The following MGAT1 variants were observed in gnomAD, a reference collection of about 807,000 sequenced individuals.
MGAT1 encodes the protein N-glycosyl-oligosaccharide-glycoprotein N-acetylglucosaminyltransferase I.
MGAT1 carries 14 observed loss-of-function variants against 31.7 expected under a neutral mutation model. The ratio of observed to expected loss-of-function variants is 0.44; its 90% CI spans 0.29 to 0.69. The LOEUF (loss-of-function observed/expected upper bound fraction) is 0.69. Among genes scored for constraint, MGAT1 ranks in the 30% least tolerant of loss-of-function variants. The probability of loss-of-function intolerance (pLI) is 0.12; values close to 1 mark genes in which losing one functional copy is unlikely to be tolerated. For missense variants in MGAT1, 557 were observed against 626.0 expected (o/e 0.89, Z 1.18); for synonymous variants, 338 against 276.0 (o/e 1.22, Z -2.23).
At position 180,792,687 on chromosome 5, in the gene MGAT1, C is replaced by T. The variant is rs748852970; in HGVS notation, c.285G>A (p.Pro95=). 14 of 1,562,530 alleles carry T rather than the reference C, an allele frequency of 9.0e-6. No homozygotes were observed. Among genetic ancestry groups the T allele is most frequent in the African/African-American group, 2.7e-5 (2 of 73,902 alleles). The change falls in exon 2 of 2, where the codon CCG becomes CCA. Residue 95 remains proline (P), a synonymous_variant. Coordinates refer to ENST00000307826, the MANE Select transcript of MGAT1 (RefSeq NM_002406.4). ...CCGGCGCGGGGGTCACAGGCACACGCGGCTGGGCGGGAGGGGCCGCGGTGG... is the reference window on the plus strand; with the variant it reads ...CCGGCGCGGGGGTCACAGGCACACGTGGCTGGGCGGGAGGGGCCGCGGTGG... ...RVPTAAPPAQ[P]RVPVTPAPAV...
chr5:180,808,111 C>A (rs1322946764), intron 2 of MGAT1, among the ~76,000 whole-genome samples: 3 of 152,156 alleles, frequency 2.0e-5, no homozygotes, highest in Non-Finnish European at 4.4e-5. Context: ...TCCTTCCTGA[C>A]CCCCAAACCT....
chr5:180,791,610 G>T lies in MGAT1; in HGVS notation c.*24C>A. Reference sequence around the variant, plus strand: ...CCTCAGCTCATGATGTGGCAAGGAGGGGCCCAGGAAGGACAGGCAGGTGCT... The same window carrying T: ...CCTCAGCTCATGATGTGGCAAGGAGTGGCCCAGGAAGGACAGGCAGGTGCT... On this transcript the variant is annotated 3_prime_UTR_variant, in exon 2 of 2. Coordinates refer to ENST00000307826, the MANE Select transcript of MGAT1 (RefSeq NM_002406.4). 6.2e-7 allele frequency: 1 copy of T among 1,607,006 alleles called. No homozygotes were observed. The highest frequency in any genetic ancestry group is 8.5e-7 in the Non-Finnish European group (1 of 1,176,208).
At chr5:180,806,965 C>T (rs991612121), upstream of MGAT1, among the ~76,000 whole-genome samples, 2 of 152,214 alleles carry the variant, frequency 1.3e-5, no homozygotes, top group Non-Finnish European at 2.9e-5. Context: ...AAAGGAGCAG[C>T]CTGGCCTCAA....
chr5:180,792,594 C>T lies in MGAT1; in HGVS notation c.378G>A (p.Leu126=). Reference sequence around the variant, plus strand: ...AGAGCTCAGCCGAGGGCCGATAATGCAGCAGCTTGTCCAGGCAGCGCCGAA... The same window carrying T: ...AGAGCTCAGCCGAGGGCCGATAATGTAGCAGCTTGTCCAGGCAGCGCCGAA... ...STVRRCLDKL[L]HYRPSAELFP... Residue 126 remains leucine, a synonymous_variant, in exon 2 of 2, where the codon CTG becomes CTA. Transcript: ENST00000307826. 2 of 1,611,074 alleles carry T rather than the reference C, an allele frequency of 1.2e-6. No individual in the cohort carries two copies. The highest frequency in any genetic ancestry group is 1.7e-6 in the Non-Finnish European group (2 of 1,178,780).
In MGAT1 at chr5:180,791,351, G is replaced by A. The variant is rs377694253; in HGVS notation, c.*283C>T. The A allele has an allele frequency of 1.6e-4, 82 of 512,414 alleles. No individual in the cohort carries two copies. The highest frequency in any genetic ancestry group is 8.9e-4 in the East Asian group (27 of 30,228). The allele number at this position is 512,414 out of a possible 1,614,324, so 31.7% of individuals were successfully genotyped here. ...CATGCTCCAGGAGAAAGCTCAGGAC[G>A]TGGACATTTCTGGCCCCAACAAGCC... is the stretch of plus-strand genomic sequence containing the variant. On this transcript the variant is annotated 3_prime_UTR_variant, in exon 2 of 2. Transcript: ENST00000307826.
At chr5:180,794,411 T>TATA (rs1554130048) in intron 1 of MGAT1, among the ~76,000 whole-genome samples, 11 of 142,034 alleles carry the variant, frequency 7.7e-5, no homozygotes, top group African/African-American at 2.8e-4. Flanking sequence ...TTTTTTTTTA[T>TATA]TATATATATA....
At chr5:180,796,641 T>G (rs1362006073) in intron 1 of MGAT1, among the ~76,000 whole-genome samples, 1 of 152,066 alleles carries the variant, frequency 6.6e-6, no homozygotes, top group African/African-American at 2.4e-5. Context: ...AGAGTCTCAC[T>G]CTGTCTGTTG....
At chr5:180,811,823 C>T (rs11951457) in intron 1 of MGAT1, among the ~76,000 whole-genome samples, 2 of 152,222 alleles carry the variant, frequency 1.3e-5, no homozygotes, top group Admixed American at 6.5e-5. Context: ...GCCTAGCTGT[C>T]TGACCTGCTC....
rs1179671153 is a variant in MGAT1, at chr5:180,788,856, G to A, written c.*2778C>T. ...GAGCACTAAGTTGGTACTTATCCTG[G>A]AGCACTAAGTAAGTTGGTACTTATC... On this transcript the variant is annotated 3_prime_UTR_variant, in exon 2 of 2. Coordinates refer to ENST00000307826, the MANE Select transcript of MGAT1 (RefSeq NM_002406.4). 1 of 152,268 alleles carries A rather than the reference G, an allele frequency of 6.6e-6. No homozygotes were observed. The highest frequency in any genetic ancestry group is 1.5e-5 in the Non-Finnish European group (1 of 68,160). 9.4% of individuals were successfully genotyped at this position (152,268 alleles called of 1,614,324 possible).
In MGAT1 at chr5:180,792,507, G is replaced by A. The variant is rs770527355; in HGVS notation, c.465C>T (p.Tyr155=). 5 of 1,613,012 alleles carry A rather than the reference G, an allele frequency of 3.1e-6. No homozygotes were observed. Among genetic ancestry groups the A allele is most frequent in the Admixed American group, 1.7e-5 (1 of 60,008 alleles). ...HEETAQAIAS[Y]GSAVTHIRQP... ...GCCGGATGTGCGTGACCGCGCTGCC[G>A]TAGGAGGCGATGGCCTGGGCCGTCT... Residue 155 remains tyrosine, a synonymous_variant, in exon 2 of 2, where the codon TAC becomes TAT. Coordinates refer to ENST00000307826, the MANE Select transcript of MGAT1 (RefSeq NM_002406.4).
upstream of MGAT1, among the ~76,000 whole-genome samples, chr5:180,807,306 C>G (rs556334591): frequency 1.7e-4 from 26 of 152,290 alleles, no homozygotes; most frequent in African/African-American, 6.3e-4. Context: ...TACTGTCTCT[C>G]AAAATTCCCA....
upstream of MGAT1, among the ~76,000 whole-genome samples, chr5:180,807,187 T>G (rs957970812): frequency 5.3e-5 from 8 of 152,340 alleles, no homozygotes; most frequent in Admixed American, 1.3e-4. Context: ...ATGACCTCAC[T>G]GTCACCCATC....
At chr5:180,802,218 A>C (rs943631480) in intron 1 of MGAT1, among the ~76,000 whole-genome samples, 8 of 152,172 alleles carry the variant, frequency 5.3e-5, no homozygotes, top group African/African-American at 1.9e-4. Flanking sequence ...GCAAACAGGA[A>C]GAAAAGTTTT....
At position 180,788,646 on chromosome 5, in the gene MGAT1, T is replaced by C. The variant is rs1216845591; in HGVS notation, c.*2988A>G. 6.6e-6 allele frequency: 1 copy of C among 152,112 alleles called. No homozygotes were observed. The highest frequency in any genetic ancestry group is 1.5e-5 in the Non-Finnish European group (1 of 68,016). 9.4% of individuals were successfully genotyped at this position (152,112 alleles called of 1,614,324 possible). A position where few individuals can be genotyped will look rare whatever the true frequency, so the allele number is the denominator to read the frequency against. ...TTGCTCTGAGGATCAAGTAAGTTGGTACTTATCCTGGAGCACTAAGTAAGT... is the reference window on the plus strand; with the variant it reads ...TTGCTCTGAGGATCAAGTAAGTTGGCACTTATCCTGGAGCACTAAGTAAGT... On this transcript the variant is annotated 3_prime_UTR_variant, in exon 2 of 2. Coordinates refer to ENST00000307826, the MANE Select transcript of MGAT1 (RefSeq NM_002406.4).
In MGAT1 at chr5:180,792,976, G is replaced by A; in HGVS notation, c.-5C>T. 6.2e-7 allele frequency: 1 copy of A among 1,613,012 alleles called. No homozygotes were observed. Among genetic ancestry groups the A allele is most frequent in the Non-Finnish European group, 8.5e-7 (1 of 1,179,894 alleles). ...TGCAGACTGCTTCTTCAGCATCCTG[G>A]CCCCCACCGGGGAGGGCAGGCCAGG... On this transcript the variant is annotated 5_prime_UTR_variant, in exon 2 of 2. Coordinates refer to ENST00000307826, the MANE Select transcript of MGAT1 (RefSeq NM_002406.4).
At chr5:180,814,613 G>C (rs1772756454) in intron 1 of MGAT1, among the ~76,000 whole-genome samples, 1 of 152,106 alleles carries the variant, frequency 6.6e-6, no homozygotes, top group African/African-American at 2.4e-5. Context: ...CCATGTCAAA[G>C]ATACTTAGTC....
Position 180,792,017 on chromosome 5 carries a change from C to T in MGAT1, c.955G>A (p.Val319Met). Reference protein sequence around the residue: ...SRTMTFGRKGVSHGQFFDQHL... With the variant: ...SRTMTFGRKGMSHGQFFDQHL... ...TGGTCAAAGAACTGCCCGTGGCTCACACCCTTGCGGCCAAAGGTCATCGTT... is the reference window on the plus strand; with the variant it reads ...TGGTCAAAGAACTGCCCGTGGCTCATACCCTTGCGGCCAAAGGTCATCGTT... The change falls in exon 2 of 2, where the codon GTG becomes ATG. Residue 319 changes from valine to methionine, a missense_variant. Transcript: ENST00000307826. The T allele has an allele frequency of 6.2e-7, 1 of 1,614,154 alleles. No homozygotes were observed. The highest frequency in any genetic ancestry group is 8.5e-7 in the Non-Finnish European group (1 of 1,180,048).
chr5:180,806,700 C>T (rs1771925262), upstream of MGAT1, among the ~76,000 whole-genome samples: 1 of 152,218 alleles, frequency 6.6e-6, no homozygotes, highest in Non-Finnish European at 1.5e-5. Flanking sequence ...AAAAGAATCC[C>T]TGCTCTGTTC....
In MGAT1 at chr5:180,791,651, C is replaced by CAT. The variant is rs1333057709; in HGVS notation, c.1319_1320dup (p.Asp441MetfsTer82). The CAT allele has an allele frequency of 6.2e-7, 1 of 1,613,558 alleles. No homozygotes were observed. The highest frequency in any genetic ancestry group is 8.5e-7 in the Non-Finnish European group (1 of 1,179,962). ...GGCAGGTGCTAATTCCAGCTAGGAT[C>CAT]ATAGCCCTCCCACGTCAGTGGGGGC... On this transcript the variant is annotated frameshift_variant, in exon 2 of 2. Transcript: ENST00000307826. LOFTEE classifies it high-confidence loss of function.
Sources: allele counts gnomAD v4.1 joint callset (sites outside exome capture counted in the v4.1 genomes callset), GRCh38; gene constraint gnomAD v4.1.1; transcripts MANE v1.5; gene names NCBI Gene and HGNC (gene_info 2026-07-23, HGNC 2026-07-21).